UBAP1: variants seen among roughly 807,000 people sequenced by gnomAD.
UBAP1 encodes ubiquitin-associated protein 1.
In UBAP1, 5 loss-of-function variants were observed where a neutral mutation model predicts 39.0. The observed-to-expected ratio is 0.13, with a 90% CI of 0.07 to 0.27. UBAP1 has a LOEUF of 0.27. UBAP1 is among the 10% of genes least tolerant of loss of function. The probability of loss-of-function intolerance (pLI) is 1.00; values close to 1 mark genes in which losing one functional copy is unlikely to be tolerated. For missense variants in UBAP1, 490 were observed against 608.1 expected, an observed-to-expected ratio of 0.81 and a Z score of 2.04; for synonymous variants, 211 against 225.1, an observed-to-expected ratio of 0.94 and a Z score of 0.56.
At chr9:34,212,019 T>G (rs945274611) in intron 1 of UBAP1, 12 of 430,012 alleles carry the variant, frequency 2.8e-5, no homozygotes, top group Middle Eastern at 6.7e-4. Context: ...GAATGTGTGT[T>G]CCAATCCATA....
intron 1 of UBAP1, chr9:34,212,162 T>C (rs1034678232): frequency 4.8e-6 from 1 of 206,910 alleles, no homozygotes; most frequent in Non-Finnish European, 1.0e-5. Context: ...TGATTAATTA[T>C]AGCTTTACAT....
chr9:34,186,177 C>A (rs901323213), intron 1 of UBAP1, among the ~76,000 whole-genome samples: 2 of 152,108 alleles, frequency 1.3e-5, no homozygotes, highest in African/African-American at 4.8e-5. Context: ...ATAAATAGTT[C>A]ATTAAAATTT....
rs34197502 is a variant in UBAP1, at chr9:34,207,048, C to CTTT, written c.-7-13842_-7-13840dup. Among the ~76,000 whole-genome samples, 278 of 90,018 alleles carry CTTT rather than the reference C, an allele frequency of 3.1e-3. 4 individuals are homozygous for CTTT. Among genetic ancestry groups the CTTT allele is most frequent in the East Asian group, 0.017 (48 of 2,780 alleles). The allele number at this position is 90,018 out of a possible 152,430, so 59.1% of individuals were successfully genotyped here. On this transcript the variant is annotated intron_variant, in intron 1 of 6. Transcript: ENST00000297661. ...TTCTGCGTTTGCTTAATTGTTATTT[C>CTTT]TTTTTTTTTTTTTTTTTTTTGAGAT...
In UBAP1 at chr9:34,251,728, T is replaced by C. The variant is rs1834546900; in HGVS notation, c.*196T>C. On this transcript the variant is annotated 3_prime_UTR_variant, in exon 7 of 7. Coordinates refer to ENST00000297661, the MANE Select transcript of UBAP1 (RefSeq NM_016525.5). ...GGTGGGGAAGATTCGGGCATGTGAG[T>C]GCCCCCAGAACTGTCCTGGCTCCTT... The C allele has an allele frequency of 4.8e-6, 3 of 619,600 alleles. No individual in the cohort carries two copies. Among genetic ancestry groups the C allele is most frequent in the Non-Finnish European group, 8.3e-6 (3 of 359,422 alleles). 38.4% of individuals were successfully genotyped at this position (619,600 alleles called of 1,614,324 possible). A position where few individuals can be genotyped will look rare whatever the true frequency, so the allele number is the denominator to read the frequency against.
In UBAP1 at chr9:34,179,047, A is replaced by C. The variant is rs1829869655; in HGVS notation, c.-201A>C. On this transcript the variant is annotated 5_prime_UTR_variant, in exon 1 of 7. Coordinates refer to ENST00000297661, the MANE Select transcript of UBAP1 (RefSeq NM_016525.5). The stretch of plus-strand genomic sequence containing the variant: ...GGGCGGTGAGGGGAAGGAGGAGGGA[A>C]GTAGGACTTCAACATGGCGGCTGCG... 1 of 1,267,256 alleles carries C rather than the reference A, an allele frequency of 7.9e-7. No individual in the cohort carries two copies. The highest frequency in any genetic ancestry group is 1.5e-5 in the African/African-American group (1 of 65,022). 78.5% of individuals were successfully genotyped at this position (1,267,256 alleles called of 1,614,324 possible).
chr9:34,193,337 G>A (rs1373294443), intron 1 of UBAP1, among the ~76,000 whole-genome samples: 5 of 151,878 alleles, frequency 3.3e-5, no homozygotes, highest in Non-Finnish European at 7.4e-5. Context: ...TAAAAATATT[G>A]TGTAGGGGAA....
intron 1 of UBAP1, among the ~76,000 whole-genome samples, chr9:34,191,255 G>T (rs1830703852): frequency 1.3e-5 from 2 of 152,058 alleles, no homozygotes; most frequent in Admixed American, 1.3e-4. Context: ...GCTCTGGTGT[G>T]GGCTTGAGAG....
intron 2 of UBAP1, among the ~76,000 whole-genome samples, chr9:34,228,133 A>G (rs1293844251): frequency 2.0e-5 from 3 of 151,854 alleles, no homozygotes; most frequent in African/African-American, 7.3e-5. Flanking sequence ...TGTCTTAAAA[A>G]AGAAGCTGGG....
intron 2 of UBAP1, 74 bp from the exon 3 acceptor site, chr9:34,234,142 G>C: frequency 6.8e-7 from 1 of 1,471,916 alleles, no homozygotes; most frequent in South Asian, 1.4e-5. Flanking sequence ...ATGCATATCC[G>C]TTAGACATAA....
At chr9:34,248,355 T>C (rs1291594937) in intron 4 of UBAP1, among the ~76,000 whole-genome samples, 1 of 152,164 alleles carries the variant, frequency 6.6e-6, no homozygotes, top group Non-Finnish European at 1.5e-5. Flanking sequence ...TATTAACATT[T>C]GTAATGTGCA....
Position 34,234,201 on chromosome 9 carries a change from T to A in UBAP1, c.35-15T>A. ...AGTTCTTTGCTGATATTTTCTACTT[T>A]ATTTTTGATTATAGGGACTTTCAGT... On this transcript the variant is annotated splice_polypyrimidine_tract_variant and intron_variant, in intron 2 of 6. Transcript: ENST00000297661. 6.3e-7 allele frequency: 1 copy of A among 1,587,522 alleles called. No homozygotes were observed.
rs1833566051 is a variant in UBAP1 at position 34,234,157 on chromosome 9, A to G, written c.35-59A>G. 2.6e-6 allele frequency: 4 copies of G among 1,539,706 alleles called. No individual in the cohort carries two copies. The Admixed American group carries it at 8.4e-5, about 32-fold the overall frequency. On this transcript the variant is annotated intron_variant, in intron 2 of 6. Coordinates refer to ENST00000297661, the MANE Select transcript of UBAP1 (RefSeq NM_016525.5). ...ATGCATATCCGTTAGACATAAGATT[A>G]TGGCAAAACAAATAATGAAGTTCTT...
At chr9:34,248,925 G>A (rs1290906408) in intron 4 of UBAP1, among the ~76,000 whole-genome samples, 2 of 152,218 alleles carry the variant, frequency 1.3e-5, no homozygotes, top group Non-Finnish European at 2.9e-5. Flanking sequence ...TGTGGTCAGT[G>A]GGTCCTTTGG....
chr9:34,227,600 T>A (rs1833171343), intron 2 of UBAP1, among the ~76,000 whole-genome samples: 1 of 152,228 alleles, frequency 6.6e-6, no homozygotes, highest in African/African-American at 2.4e-5. Context: ...AAATGAAGTC[T>A]TCCCAGAGTT....
intron 1 of UBAP1, among the ~76,000 whole-genome samples, chr9:34,201,935 T>C (rs1462977049): frequency 6.6e-6 from 1 of 152,170 alleles, no homozygotes; most frequent in Non-Finnish European, 1.5e-5. Context: ...AACTCTTTTA[T>C]GTTTACTGGT....
Position 34,198,792 on chromosome 9 carries a change from C to T in UBAP1, c.-8+19552C>T, listed in dbSNP as rs946195094. On this transcript the variant is annotated intron_variant, in intron 1 of 6. Coordinates refer to ENST00000297661, the MANE Select transcript of UBAP1 (RefSeq NM_016525.5). ...GAAAGTTGGGGAAGCTGAATGTCTG[C>T]CTTGGGCTTTCTTTTTCCCACTGCA... Among the ~76,000 whole-genome samples the T allele has an allele frequency of 3.9e-5, 6 of 152,298 alleles. No homozygotes were observed. In the East Asian group the frequency reaches 1.2e-3, roughly 29 times the overall value.
At chr9:34,180,507 C>CAAAA (rs747564427) in intron 1 of UBAP1, among the ~76,000 whole-genome samples, 1 of 85,982 alleles carries the variant, frequency 1.2e-5, no homozygotes, top group African/African-American at 4.0e-5. Flanking sequence ...GACTCCGACT[C>CAAAA]AAAAAAAAAA....
At chr9:34,250,040 C>T in intron 5 of UBAP1, 79 bp downstream of exon 5, 1 of 1,483,882 alleles carries the variant, frequency 6.7e-7, no homozygotes, top group Non-Finnish European at 9.2e-7. Context: ...TAGAGCCCCT[C>T]AGACTTGTAG....
At position 34,209,982 on chromosome 9, in the gene UBAP1, CT is replaced by C. The variant is rs1831927022; in HGVS notation, c.-7-10922del. ...CATATCCACATAAACATACTTCTCTCTTTTCCACAATGTCAGGGCCTATTAA... is the reference window on the plus strand; with the variant it reads ...CATATCCACATAAACATACTTCTCTCTTTCCACAATGTCAGGGCCTATTAA... On this transcript the variant is annotated intron_variant, in intron 1 of 6. Coordinates refer to ENST00000297661, the MANE Select transcript of UBAP1 (RefSeq NM_016525.5). Among the ~76,000 whole-genome samples the C allele has an allele frequency of 2.0e-5, 3 of 152,312 alleles. No individual in the cohort carries two copies. In the South Asian group the frequency reaches 6.2e-4, roughly 32 times the overall value.
Sources: gnomAD v4.1 joint callset for allele counts (sites outside exome capture counted in the v4.1 genomes callset) on GRCh38, gnomAD v4.1.1 for gene constraint, MANE v1.5 for transcripts, NCBI Gene and HGNC (gene_info 2026-07-23, HGNC 2026-07-21) for gene names.